FGGY: variants seen among roughly 807,000 people sequenced by gnomAD.
FGGY encodes the protein FGGY carbohydrate kinase domain containing, also known as FGGY carbohydrate kinase domain-containing protein.
Under a neutral mutation model 71.3 loss-of-function variants are expected in FGGY, and 72 were observed. That is an observed-to-expected ratio of 1.01 (90% confidence interval 0.84 to 1.23). The LOEUF is 1.23. Ranked by LOEUF, FGGY falls within the 50% of genes most tolerant of loss-of-function variation. The pLI is 0.00. For synonymous variants in FGGY, 251 were observed against 250.3 expected (o/e 1.00, Z -0.02); for missense variants, 668 against 682.3 (o/e 0.98, Z 0.23).
chr1:59,539,516 T>G (rs749483117), intron 7 of FGGY, among the ~76,000 whole-genome samples: 1 of 152,198 alleles, frequency 6.6e-6, no homozygotes, highest in Non-Finnish European at 1.5e-5. Flanking sequence ...AGCAATGTAT[T>G]TTTCAGTGAA....
At chr1:59,512,467 A>C (rs1432167376) in intron 7 of FGGY, 28 bp downstream of exon 7, 1 of 1,605,934 alleles carries the variant, frequency 6.2e-7, no homozygotes, top group Non-Finnish European at 8.5e-7. Flanking sequence ...GCCTACAGCC[A>C]AAACCGTATT....
intron 14 of FGGY, among the ~76,000 whole-genome samples, chr1:59,756,230 C>A (rs1452081215): frequency 6.6e-6 from 1 of 152,162 alleles, no homozygotes; most frequent in African/African-American, 2.4e-5. Context: ...AAAAAATCTC[C>A]TCCCTACTTA....
At chr1:59,704,619 C>T (rs1394391653) in intron 14 of FGGY, among the ~76,000 whole-genome samples, 1 of 151,854 alleles carries the variant, frequency 6.6e-6, no homozygotes, top group Non-Finnish European at 1.5e-5. Context: ...ATAAAGCTGC[C>T]CCATGTCTAT....
intron 7 of FGGY, among the ~76,000 whole-genome samples, chr1:59,534,863 G>A (rs977140304): frequency 1.3e-5 from 2 of 152,086 alleles, no homozygotes; most frequent in Non-Finnish European, 2.9e-5. Flanking sequence ...ACCAGTACCA[G>A]CCACTGCAAA....
At chr1:59,394,689 A>G (rs1306504488) in intron 5 of FGGY, among the ~76,000 whole-genome samples, 1 of 152,196 alleles carries the variant, frequency 6.6e-6, no homozygotes, top group Non-Finnish European at 1.5e-5. Flanking sequence ...TCTGGAGGGA[A>G]TAGTGCAAGG....
intron 6 of FGGY, 57 bp from the exon 7 acceptor site, chr1:59,512,254 T>C: frequency 6.5e-7 from 1 of 1,529,718 alleles, no homozygotes; most frequent in Non-Finnish European, 8.8e-7. Context: ...AAAAACCCTC[T>C]GTTTACTTTT....
intron 8 of FGGY, among the ~76,000 whole-genome samples, chr1:59,574,500 T>C (rs533740184): frequency 5.9e-5 from 9 of 152,240 alleles, no homozygotes; most frequent in African/African-American, 2.2e-4. Flanking sequence ...GTTCCAGGGA[T>C]TTGAACATGG....
At chr1:59,638,433 T>A in intron 11 of FGGY, 58 bp downstream of exon 11, 1 of 1,586,434 alleles carries the variant, frequency 6.3e-7, no homozygotes, top group Non-Finnish European at 8.6e-7. Flanking sequence ...CTACAAAGTT[T>A]GGAAGAAGCA....
intron 5 of FGGY, among the ~76,000 whole-genome samples, chr1:59,435,526 C>T (rs904346480): frequency 2.0e-5 from 3 of 152,126 alleles, no homozygotes; most frequent in African/African-American, 4.8e-5. Flanking sequence ...CTCTATGCTC[C>T]ACTTCACTTG....
intron 6 of FGGY, among the ~76,000 whole-genome samples, chr1:59,490,491 T>G (rs1050009188): frequency 6.6e-6 from 1 of 152,232 alleles, no homozygotes; most frequent in African/African-American, 2.4e-5. Flanking sequence ...GTTGATTGTT[T>G]CCTTTGCTGT....
At chr1:59,697,816 G>T (rs2097675241) in intron 14 of FGGY, 1 of 745,668 alleles carries the variant, frequency 1.3e-6, no homozygotes, top group African/African-American at 1.9e-5. Context: ...TGTTTCTTCT[G>T]CCCAAGGCTT....
Sources: gnomAD v4.1 joint callset for allele counts (sites outside exome capture counted in the v4.1 genomes callset) on GRCh38, gnomAD v4.1.1 for gene constraint, MANE v1.5 for transcripts, NCBI Gene and HGNC (gene_info 2026-07-23, HGNC 2026-07-21) for gene names.